The following PLCE1 variants were observed in gnomAD, a reference collection of about 807,000 sequenced individuals.
PLCE1 encodes phospholipase C epsilon 1.
Under a neutral mutation model 242.8 loss-of-function variants are expected in PLCE1, and 119 were observed. That is an observed-to-expected ratio of 0.49 (90% CI 0.42 to 0.57). The LOEUF (loss-of-function observed/expected upper bound fraction) is 0.57. Ranked by LOEUF, PLCE1 falls within the 20% of genes least tolerant of loss-of-function variation. The pLI, the probability that PLCE1 is intolerant of heterozygous loss-of-function variation, is 0.00. For missense variants in PLCE1, 2,441 were observed against 2,788.8 expected (o/e 0.88, Z 2.81); for synonymous variants, 945 against 1,017.4 (o/e 0.93, Z 1.35).
At chr10:94,313,195 A>T in intron 27 of PLCE1, 59 bp from the exon 28 acceptor site, 1 of 1,603,224 alleles carries the variant, frequency 6.2e-7, no homozygotes, top group South Asian at 1.1e-5. Flanking sequence ...TCTGTATCAA[A>T]TAGAGCTTAG....
intron 2 of PLCE1, among the ~76,000 whole-genome samples, chr10:94,092,555 GT>G (rs2045120192): frequency 6.6e-6 from 1 of 152,032 alleles, no homozygotes; most frequent in Non-Finnish European, 1.5e-5. Flanking sequence ...AGAAAGCCCA[GT>G]AAAAAAGTTC....
At chr10:94,241,415 G>A (rs2050498512) in intron 7 of PLCE1, among the ~76,000 whole-genome samples, 1 of 152,146 alleles carries the variant, frequency 6.6e-6, no homozygotes, top group Admixed American at 6.5e-5. Flanking sequence ...TATTTTAATG[G>A]GTACTAACAC....
intron 2 of PLCE1, among the ~76,000 whole-genome samples, chr10:94,042,122 A>AT (rs2134645763): frequency 6.6e-6 from 1 of 152,206 alleles, no homozygotes; most frequent in Admixed American, 6.5e-5. Context: ...TGGCTTCCTG[A>AT]TTTAAATCCT....
intron 2 of PLCE1, among the ~76,000 whole-genome samples, chr10:94,078,493 A>ATT (rs111933840): frequency 0.015 from 2,132 of 145,240 alleles, 46 homozygotes; most frequent in African/African-American, 0.05. Flanking sequence ...CTTTTTGCTC[A>ATT]TTTTTTTTTT....
At chr10:94,260,022 AG>A (rs2051242719) in intron 13 of PLCE1, among the ~76,000 whole-genome samples, 1 of 152,182 alleles carries the variant, frequency 6.6e-6, no homozygotes, top group Non-Finnish European at 1.5e-5. Context: ...ACCTCCCACC[AG>A]GTCCCTTCCA....
chr10:94,136,431 GA>G (rs2046777076), intron 3 of PLCE1, among the ~76,000 whole-genome samples: 1 of 152,134 alleles, frequency 6.6e-6, no homozygotes, highest in Non-Finnish European at 1.5e-5. Context: ...AAATAATTGG[GA>G]AAAAGGGCAT....
At chr10:94,064,859 C>T (rs2044155567) in intron 2 of PLCE1, among the ~76,000 whole-genome samples, 1 of 152,082 alleles carries the variant, frequency 6.6e-6, no homozygotes, top group Non-Finnish European at 1.5e-5. Context: ...CTGTGTCCCA[C>T]CTTTTCCTGG....
chr10:94,097,799 G>C lies in PLCE1; in HGVS notation c.1207-34375G>C, dbSNP rs528135498. On this transcript the variant is annotated intron_variant, in intron 2 of 32. Transcript: ENST00000371380. Reference sequence around the variant, plus strand: ...TGCTGCCATCGTCCAAGTATGTGGTGCTGAGCCTTTAGCCAGAGCTGGGGC... The same window carrying C: ...TGCTGCCATCGTCCAAGTATGTGGTCCTGAGCCTTTAGCCAGAGCTGGGGC... 9.2e-5 allele frequency among the ~76,000 whole-genome samples: 14 copies of C among 152,328 alleles called. No homozygotes were observed. The South Asian group carries it at 2.7e-3, about 29-fold the overall frequency.
chr10:94,126,404 A>C (rs1257056087), intron 2 of PLCE1, among the ~76,000 whole-genome samples: 1 of 152,204 alleles, frequency 6.6e-6, no homozygotes, highest in Non-Finnish European at 1.5e-5. Context: ...TATTTTGATA[A>C]TATATAATAG....
At chr10:94,042,675 C>A (rs1021972440) in intron 2 of PLCE1, among the ~76,000 whole-genome samples, 1 of 152,010 alleles carries the variant, frequency 6.6e-6, no homozygotes, top group African/African-American at 2.4e-5. Context: ...ATTCTTAATG[C>A]GAGGGGTGTG....
At chr10:94,057,292 T>C (rs74326536) in intron 2 of PLCE1, among the ~76,000 whole-genome samples, 8,756 of 152,256 alleles carry the variant, frequency 0.058, 664 homozygotes, top group African/African-American at 0.17. Flanking sequence ...TCTACCATAA[T>C]ATCATGATTA....
chr10:94,067,889 G>A (rs2044241920), intron 2 of PLCE1, among the ~76,000 whole-genome samples: 1 of 152,190 alleles, frequency 6.6e-6, no homozygotes. Context: ...TGGAGCAGGT[G>A]GAGAAGGGAG....
At chr10:94,095,484 G>A (rs2045273152) in intron 2 of PLCE1, among the ~76,000 whole-genome samples, 1 of 152,138 alleles carries the variant, frequency 6.6e-6, no homozygotes, top group Non-Finnish European at 1.5e-5. Context: ...AGCCTCCTGA[G>A]TAGCAGGGAC....
intron 4 of PLCE1, among the ~76,000 whole-genome samples, chr10:94,220,929 G>C (rs1185287241): frequency 6.6e-6 from 1 of 152,180 alleles, no homozygotes; most frequent in African/African-American, 2.4e-5. Flanking sequence ...CCACTACACC[G>C]TGCTGCCTCC....
intron 1 of PLCE1, among the ~76,000 whole-genome samples, chr10:94,025,313 C>G (rs533464690): frequency 2.0e-5 from 3 of 152,064 alleles, no homozygotes; most frequent in Non-Finnish European, 4.4e-5. Context: ...TATCCATATG[C>G]TTAGGTCAAA....
intron 2 of PLCE1, among the ~76,000 whole-genome samples, chr10:94,056,229 T>C (rs1245584708): frequency 6.6e-6 from 1 of 152,154 alleles, no homozygotes; most frequent in Non-Finnish European, 1.5e-5. Flanking sequence ...ATTTAGTCCA[T>C]GTTAAAAAGA....
chr10:94,007,460 G>C (rs1391954824), intron 1 of PLCE1, among the ~76,000 whole-genome samples: 1 of 152,000 alleles, frequency 6.6e-6, no homozygotes, highest in Non-Finnish European at 1.5e-5. Flanking sequence ...CCTGGTGCTA[G>C]TATGTAACTT....
chr10:94,039,546 C>G (rs1389992272), intron 2 of PLCE1, among the ~76,000 whole-genome samples: 1 of 151,970 alleles, frequency 6.6e-6, no homozygotes, highest in Non-Finnish European at 1.5e-5. Context: ...CCACTATGCC[C>G]AGCTAATTTT....
intron 4 of PLCE1, among the ~76,000 whole-genome samples, chr10:94,185,221 G>C (rs930613174): frequency 6.6e-6 from 1 of 152,252 alleles, no homozygotes. Context: ...TGGGCATACG[G>C]CCACAGTGGC....
Sources: gnomAD v4.1 joint callset for allele counts (sites outside exome capture counted in the v4.1 genomes callset) on GRCh38, gnomAD v4.1.1 for gene constraint, MANE v1.5 for transcripts, NCBI Gene and HGNC (gene_info 2026-07-23, HGNC 2026-07-21) for gene names.